The following STX2 variants were observed in gnomAD, a reference collection of about 807,000 sequenced individuals.
STX2 encodes syntaxin-2.
A neutral mutation model predicts 40.6 loss-of-function variants in STX2; 27 were observed. That is an observed-to-expected ratio of 0.66 (90% CI 0.49 to 0.92). STX2 has a LOEUF of 0.92. STX2 is among the 40% of genes least tolerant of loss of function. The pLI, the probability that STX2 is intolerant of heterozygous loss-of-function variation, is 0.00. For missense variants in STX2, 328 were observed against 366.1 expected, an observed-to-expected ratio of 0.90 and a Z score of 0.85; for synonymous variants, 123 against 119.1, an observed-to-expected ratio of 1.03 and a Z score of -0.22.
chr12:130,829,028 G>A (rs1037661867), intron 1 of STX2, among the ~76,000 whole-genome samples: 5 of 151,992 alleles, frequency 3.3e-5, no homozygotes, highest in Non-Finnish European at 5.9e-5. Flanking sequence ...ATTGAGTGTC[G>A]GTTCCCAGGG....
At position 130,789,969 on chromosome 12, in the gene STX2, T is replaced by TCCTTTTA. The variant is rs1366727695; in HGVS notation, c.*2053_*2054insTAAAAGG. On this transcript the variant is annotated 3_prime_UTR_variant, in exon 11 of 11. Coordinates refer to ENST00000392373, the MANE Select transcript of STX2 (RefSeq NM_194356.4). ...AATAAGTGTTGTAAAAGGGGAGGAC[T>TCCTTTTA]CATATGACAGACCTTGAAGGAAAGG... 1 of 152,150 alleles carries TCCTTTTA rather than the reference T, an allele frequency of 6.6e-6. No individual in the cohort carries two copies. Among genetic ancestry groups the TCCTTTTA allele is most frequent in the Non-Finnish European group, 1.5e-5 (1 of 68,034 alleles). The allele number at this position is 152,150 out of a possible 1,614,324, so 9.4% of individuals were successfully genotyped here. A position where few individuals can be genotyped will look rare whatever the true frequency, so the allele number is the denominator to read the frequency against.
At chr12:130,793,768 G>A (rs529682869) in intron 10 of STX2, among the ~76,000 whole-genome samples, 1 of 152,340 alleles carries the variant, frequency 6.6e-6, no homozygotes, top group African/African-American at 2.4e-5. Flanking sequence ...ACACCCTGCA[G>A]GGAGGGGCAG....
At chr12:130,822,700 CG>C (rs1401396729) in intron 2 of STX2, among the ~76,000 whole-genome samples, 1 of 152,072 alleles carries the variant, frequency 6.6e-6, no homozygotes, top group Non-Finnish European at 1.5e-5. Context: ...GCAGATGTGA[CG>C]AAACTAAGGA....
chr12:130,837,964 T>G (rs1952801128), intron 1 of STX2, among the ~76,000 whole-genome samples: 1 of 152,242 alleles, frequency 6.6e-6, no homozygotes, highest in Admixed American at 6.5e-5. Flanking sequence ...GAGCTCCTCA[T>G]CTGAACCACA....
At chr12:130,812,890 T>C in intron 4 of STX2, 67 bp downstream of exon 4, 2 of 1,145,082 alleles carry the variant, frequency 1.7e-6, no homozygotes, top group Non-Finnish European at 2.5e-6. Flanking sequence ...CAAAAACCAA[T>C]AAAGAAAAAA....
At chr12:130,836,181 T>A (rs1056648332) in intron 1 of STX2, among the ~76,000 whole-genome samples, 1 of 152,230 alleles carries the variant, frequency 6.6e-6, no homozygotes, top group Admixed American at 6.5e-5. Flanking sequence ...TTGTATCTGG[T>A]AACTTTAAGA....
intron 2 of STX2, 116 bp downstream of exon 2, chr12:130,827,077 G>T: frequency 1.8e-6 from 1 of 569,668 alleles, no homozygotes; most frequent in Non-Finnish European, 3.1e-6. Context: ...GAGGGAGGGA[G>T]GGGTGGGGAG....
intron 3 of STX2, among the ~76,000 whole-genome samples, chr12:130,820,043 C>T (rs771464179): frequency 2.0e-5 from 3 of 152,146 alleles, no homozygotes; most frequent in Non-Finnish European, 4.4e-5. Context: ...ATTTTTTCAA[C>T]GTACGGCTAC....
In STX2 at chr12:130,791,486, A is replaced by C. The variant is rs1278727638; in HGVS notation, c.*537T>G. The C allele has an allele frequency of 3.3e-5, 5 of 153,006 alleles. No homozygotes were observed. Among genetic ancestry groups the C allele is most frequent in the Non-Finnish European group, 7.3e-5 (5 of 68,758 alleles). The allele number at this position is 153,006 out of a possible 1,614,324, so 9.5% of individuals were successfully genotyped here. On this transcript the variant is annotated 3_prime_UTR_variant, in exon 11 of 11. Coordinates refer to ENST00000392373, the MANE Select transcript of STX2 (RefSeq NM_194356.4). ...GGTTGCAGTGAGCTGAGATCGCACC[A>C]CTGCACTCCAGCCTGGATGACAAAG...
In STX2 at chr12:130,821,853, A is replaced by G. The variant is rs1952129419; in HGVS notation, c.106-65T>C. 5.2e-6 allele frequency: 5 copies of G among 968,060 alleles called. No individual in the cohort carries two copies. The Admixed American group carries it at 6.2e-5, about 12-fold the overall frequency. The allele number at this position is 968,060 out of a possible 1,614,324, so 60.0% of individuals were successfully genotyped here. On this transcript the variant is annotated intron_variant, in intron 2 of 10. Transcript: ENST00000392373. Reference sequence around the variant, plus strand: ...AATCTGTGACCACTTTTCATCCCCTAAAAGGGGAAGAATAAAGGAGGGAAA... The same window carrying G: ...AATCTGTGACCACTTTTCATCCCCTGAAAGGGGAAGAATAAAGGAGGGAAA...
chr12:130,796,657 G>T (rs749667717), intron 9 of STX2, among the ~76,000 whole-genome samples: 19 of 152,074 alleles, frequency 1.2e-4, no homozygotes, highest in Non-Finnish European at 2.6e-4. Context: ...TCATCCATGG[G>T]GACAGCACGA....
chr12:130,824,745 A>G (rs547362540), intron 2 of STX2, among the ~76,000 whole-genome samples: 1 of 152,314 alleles, frequency 6.6e-6, no homozygotes, highest in African/African-American at 2.4e-5. Context: ...GCAAACTTCT[A>G]TGTGATATTG....
In STX2 at chr12:130,819,265, C is replaced by T. The variant is rs533879654; in HGVS notation, c.205+2424G>A. ...CCGGGACCTAAGCAGAGCGCCTGCC[C>T]GAGAATAGGGAGACACGCGGGAGGC... On this transcript the variant is annotated intron_variant, in intron 3 of 10. Transcript: ENST00000392373. Among the ~76,000 whole-genome samples, 140 of 152,322 alleles carry T rather than the reference C, an allele frequency of 9.2e-4. 2 individuals carry two copies. The highest frequency in any genetic ancestry group is 4.6e-3 in the South Asian group (22 of 4,824).
At chr12:130,808,121 AAATGCATGTAT>A (rs764887209) in intron 5 of STX2, among the ~76,000 whole-genome samples, 4 of 152,170 alleles carry the variant, frequency 2.6e-5, no homozygotes, top group Non-Finnish European at 5.9e-5. Context: ...CCACCCTGAG[AAATGCATGTAT>A]AGCTCCTCCC....
chr12:130,812,947 T>C lies in STX2; in HGVS notation c.280+10A>G. The C allele has an allele frequency of 6.5e-7, 1 of 1,545,096 alleles. No individual in the cohort carries two copies. The highest frequency in any genetic ancestry group is 8.7e-7 in the Non-Finnish European group (1 of 1,145,434). ...AACATCAATAATTAAACATAAAACT[T>C]CAAACTTACCCTTTAACTTGGCTCG... On this transcript the variant is annotated intron_variant, in intron 4 of 10. Transcript: ENST00000392373.
In STX2 at chr12:130,839,113, G is replaced by C; in HGVS notation, c.-14C>G. Reference sequence around the variant, plus strand: ...CCGGTCCCGCATCCCCGCCGGCCGGGCAGCGCGCCCCGCCGCTCAAGCCTG... The same window carrying C: ...CCGGTCCCGCATCCCCGCCGGCCGGCCAGCGCGCCCCGCCGCTCAAGCCTG... On this transcript the variant is annotated 5_prime_UTR_variant, in exon 1 of 11. Transcript: ENST00000392373. 7.9e-7 allele frequency: 1 copy of C among 1,267,472 alleles called. No individual in the cohort carries two copies. Among genetic ancestry groups the C allele is most frequent in the Non-Finnish European group, 9.9e-7 (1 of 1,006,138 alleles). 78.5% of individuals were successfully genotyped at this position (1,267,472 alleles called of 1,614,324 possible).
chr12:130,807,799 G>A (rs953851934), intron 5 of STX2, among the ~76,000 whole-genome samples: 9 of 152,122 alleles, frequency 5.9e-5, no homozygotes, highest in African/African-American at 1.4e-4. Flanking sequence ...AAATAAAATC[G>A]CAGGACCTCA....
chr12:130,805,050 A>G (rs910424986), intron 6 of STX2, among the ~76,000 whole-genome samples: 27 of 152,298 alleles, frequency 1.8e-4, no homozygotes, highest in Admixed American at 1.2e-3. Flanking sequence ...AAAAGCGCTC[A>G]CCACAGAGTC....
Position 130,791,425 on chromosome 12 carries a change from C to G in STX2, c.*598G>C, listed in dbSNP as rs932806533. 1 of 152,310 alleles carries G rather than the reference C, an allele frequency of 6.6e-6. No homozygotes were observed. Among genetic ancestry groups the G allele is most frequent in the Non-Finnish European group, 1.5e-5 (1 of 68,146 alleles). The allele number at this position is 152,310 out of a possible 1,614,324, so 9.4% of individuals were successfully genotyped here. A position where few individuals can be genotyped will look rare whatever the true frequency, so the allele number is the denominator to read the frequency against. ...CCTGTAATCCCAGCTACTCGGGAGG[C>G]TGAGGCAGGAGAATTGCTTGAACCC... On this transcript the variant is annotated 3_prime_UTR_variant, in exon 11 of 11. Coordinates refer to ENST00000392373, the MANE Select transcript of STX2 (RefSeq NM_194356.4).
Sources: gnomAD v4.1 joint callset for allele counts (sites outside exome capture counted in the v4.1 genomes callset) on GRCh38, gnomAD v4.1.1 for gene constraint, MANE v1.5 for transcripts, NCBI Gene and HGNC (gene_info 2026-07-23, HGNC 2026-07-21) for gene names.